Variants in CACNA1E observed in about 807,000 individuals in gnomAD.
CACNA1E encodes voltage-dependent R-type calcium channel subunit alpha-1E.
A neutral mutation model predicts 259.2 loss-of-function variants in CACNA1E; 40 were observed. That is an observed-to-expected ratio of 0.15 (90% CI 0.12 to 0.20). CACNA1E has a LOEUF of 0.20. CACNA1E is among the 10% of genes least tolerant of loss of function. The pLI is 1.00. For missense variants in CACNA1E, 1,874 were observed against 3,040.1 expected (o/e 0.62, Z 9.02); for synonymous variants, 1,104 against 1,138.5 (o/e 0.97, Z 0.61).
intron 6 of CACNA1E, among the ~76,000 whole-genome samples, chr1:181,639,932 A>G (rs543147275): frequency 3.7e-4 from 56 of 152,332 alleles, no homozygotes; most frequent in African/African-American, 1.3e-3. Context: ...GTTAGAGTCC[A>G]TGAGAGAGAG....
At chr1:181,774,033 G>A (rs1038750747) in intron 37 of CACNA1E, among the ~76,000 whole-genome samples, 14 of 152,140 alleles carry the variant, frequency 9.2e-5, no homozygotes, top group African/African-American at 2.7e-4. Context: ...ATGCCTCTAC[G>A]ATGTGCCCGA....
chr1:181,692,650 A>C (rs1365152297), intron 7 of CACNA1E, among the ~76,000 whole-genome samples: 1 of 152,164 alleles, frequency 6.6e-6, no homozygotes, highest in Non-Finnish European at 1.5e-5. Flanking sequence ...GCAAACATTA[A>C]GATGAATTAA....
At chr1:181,430,680 T>C (rs1477631180) in intron 2 of CACNA1E, among the ~76,000 whole-genome samples, 13 of 152,220 alleles carry the variant, frequency 8.5e-5, no homozygotes, top group Admixed American at 7.9e-4. Context: ...GGCTGCTCTA[T>C]TTGTGCCTGT....
rs1027556101 is a variant in CACNA1E, at chr1:181,718,646, A to T, written c.1638+479A>T. Among the ~76,000 whole-genome samples, 6 of 150,884 alleles carry T rather than the reference A, an allele frequency of 4.0e-5. No individual in the cohort carries two copies. In the East Asian group the frequency reaches 1.2e-3, roughly 29 times the overall value. ...CACACACACACACACACACACACAC[A>T]CACACACACACACACACACACCCTT... On this transcript the variant is annotated intron_variant, in intron 12 of 47. Transcript: ENST00000367573.
At chr1:181,333,903 C>G (rs1651485445) in intron 1 of CACNA1E, among the ~76,000 whole-genome samples, 1 of 152,256 alleles carries the variant, frequency 6.6e-6, no homozygotes, top group Non-Finnish European at 1.5e-5. Flanking sequence ...GATCCACCCA[C>G]CTTGGCCTCC....
At chr1:181,700,730 T>C (rs562070767) in intron 7 of CACNA1E, among the ~76,000 whole-genome samples, 1 of 152,188 alleles carries the variant, frequency 6.6e-6, no homozygotes, top group Admixed American at 6.5e-5. Flanking sequence ...AATGACTGTG[T>C]GAATCAAAAC....
intron 7 of CACNA1E, among the ~76,000 whole-genome samples, chr1:181,687,736 C>G (rs1650726109): frequency 6.6e-6 from 1 of 152,108 alleles, no homozygotes; most frequent in Non-Finnish European, 1.5e-5. Context: ...TGGTTTGTTA[C>G]AGATTCCAGG....
intron 1 of CACNA1E, among the ~76,000 whole-genome samples, chr1:181,412,458 T>A (rs1280331079): frequency 6.6e-6 from 1 of 152,028 alleles, no homozygotes; most frequent in East Asian, 1.9e-4. Flanking sequence ...TGGTTCCAGT[T>A]ACTCAGGAGG....
At position 181,732,738 on chromosome 1, in the gene CACNA1E, G is replaced by A. The variant is rs1655620422; in HGVS notation, c.2652G>A (p.Leu884=). 1 of 1,557,454 alleles carries A rather than the reference G, an allele frequency of 6.4e-7. No homozygotes were observed. The change falls in exon 20 of 48, where the codon CTG becomes CTA. Residue 884 remains leucine (L), a synonymous_variant. Coordinates refer to ENST00000367573, the MANE Select transcript of CACNA1E (RefSeq NM_001205293.3). This position sits in a 1 kb window ranked among gnomAD's most constrained non-coding sequence, Gnocchi z 5.5. ...TGGGCCAGCGGGAGCCACCATGGCT[G>A]GCCAGGCCCTGTCATGGAAACTGTG... ...LSLGQREPPW[L]ARPCHGNCDP...
chr1:181,566,517 G>T (rs1649840804), intron 3 of CACNA1E, among the ~76,000 whole-genome samples: 1 of 152,198 alleles, frequency 6.6e-6, no homozygotes, highest in African/African-American at 2.4e-5. Context: ...ACCATTGGTA[G>T]GAACTTGACC....
chr1:181,428,745 G>A (rs1659490645), intron 2 of CACNA1E, among the ~76,000 whole-genome samples: 1 of 152,174 alleles, frequency 6.6e-6, no homozygotes, highest in African/African-American at 2.4e-5. Context: ...TGATGGGGAG[G>A]ACTGACCCCA....
chr1:181,785,263 A>T (rs1572891085), intron 41 of CACNA1E, 55 bp from the exon 42 acceptor site: 1 of 1,016,750 alleles, frequency 9.8e-7, no homozygotes. Flanking sequence ...GAGGTTCCTC[A>T]CTCTCTCCCA....
At chr1:181,717,676 G>A (rs1282230695) in intron 11 of CACNA1E, among the ~76,000 whole-genome samples, 1 of 152,144 alleles carries the variant, frequency 6.6e-6, no homozygotes, top group African/African-American at 2.4e-5. Flanking sequence ...TTATAGGTCA[G>A]CTCCAGATTA....
At chr1:181,371,800 A>G (rs1654726912) in intron 1 of CACNA1E, among the ~76,000 whole-genome samples, 1 of 152,260 alleles carries the variant, frequency 6.6e-6, no homozygotes, top group Non-Finnish European at 1.5e-5. Context: ...AATCTTCTGC[A>G]TATGGCTAGC....
intron 8 of CACNA1E, among the ~76,000 whole-genome samples, 200 bp from the exon 9 acceptor site, chr1:181,715,138 G>A (rs909348621): frequency 5.9e-5 from 9 of 152,078 alleles, no homozygotes; most frequent in South Asian, 2.1e-4. Flanking sequence ...CCCCCTCCCC[G>A]AGGCTTCCTT....
At chr1:181,628,217 C>T (rs1401150627) in intron 6 of CACNA1E, among the ~76,000 whole-genome samples, 1 of 152,188 alleles carries the variant, frequency 6.6e-6, no homozygotes, top group African/African-American at 2.4e-5. Flanking sequence ...TGCCTCAGAA[C>T]TTTCCATTTT....
At chr1:181,443,500 G>GTAGAAAAA (rs1408741875) in intron 2 of CACNA1E, among the ~76,000 whole-genome samples, 8 of 152,202 alleles carry the variant, frequency 5.3e-5, no homozygotes, top group Non-Finnish European at 1.0e-4. Flanking sequence ...TTGAGGCCTG[G>GTAGAAAAA]TATTCTAAAA....
At chr1:181,710,215 C>A (rs1653210416) in intron 7 of CACNA1E, among the ~76,000 whole-genome samples, 1 of 151,538 alleles carries the variant, frequency 6.6e-6, no homozygotes, top group Non-Finnish European at 1.5e-5. Context: ...CACCACCTTC[C>A]CACTGGCTTT....
intron 6 of CACNA1E, 93 bp from the exon 7 acceptor site, chr1:181,651,245 T>A: frequency 1.2e-6 from 1 of 833,656 alleles, no homozygotes; most frequent in Non-Finnish European, 2.0e-6. Flanking sequence ...TGCATTGTGG[T>A]TTTTACATCA....
Sources: allele counts gnomAD v4.1 joint callset (sites outside exome capture counted in the v4.1 genomes callset), GRCh38; gene constraint gnomAD v4.1.1; non-coding constraint Gnocchi (gnomAD v3.1); transcripts MANE v1.5; gene names NCBI Gene and HGNC (gene_info 2026-07-23, HGNC 2026-07-21).